The following CAGE1 variants were observed in gnomAD, a reference collection of about 807,000 sequenced individuals.
CAGE1 encodes the protein cancer antigen 1.
In CAGE1, 66 loss-of-function variants were observed where a neutral mutation model predicts 94.9. That is an observed-to-expected ratio of 0.70 (90% CI 0.57 to 0.85). The LOEUF (loss-of-function observed/expected upper bound fraction) is 0.85. Among genes scored for constraint, CAGE1 ranks in the 40% least tolerant of loss-of-function variants. The probability of loss-of-function intolerance (pLI) is 0.00; values close to 1 mark genes in which losing one functional copy is unlikely to be tolerated. For synonymous variants in CAGE1, 319 were observed against 321.0 expected (o/e 0.99, Z 0.07); for missense variants, 865 against 950.4 (o/e 0.91, Z 1.18).
At chr6:7,388,866 C>T (rs150737642) in intron 1 of CAGE1, among the ~76,000 whole-genome samples, 18 of 152,248 alleles carry the variant, frequency 1.2e-4, no homozygotes, top group South Asian at 4.1e-4. Context: ...TTTGTTTTCC[C>T]AATGCAAAAA....
chr6:7,345,026 C>G (rs1015060127), intron 11 of CAGE1, among the ~76,000 whole-genome samples: 1 of 152,140 alleles, frequency 6.6e-6, no homozygotes, highest in South Asian at 2.1e-4. Flanking sequence ...GAGAATAAAA[C>G]CAGGGTGCCC....
At chr6:7,365,696 G>A (rs908692325) in intron 8 of CAGE1, 108 bp downstream of exon 8, 4 of 1,355,884 alleles carry the variant, frequency 3.0e-6, no homozygotes, top group East Asian at 2.5e-5. Context: ...TAATAAAAGT[G>A]CAGAACTTAG....
chr6:7,376,972 C>G (rs1014897264), intron 4 of CAGE1, among the ~76,000 whole-genome samples: 2 of 152,176 alleles, frequency 1.3e-5, no homozygotes, highest in African/African-American at 2.4e-5. Context: ...GCAAGTTTAT[C>G]TGTAACTTGA....
At chr6:7,385,496 G>C (rs1761091808) in intron 3 of CAGE1, among the ~76,000 whole-genome samples, 1 of 152,124 alleles carries the variant, frequency 6.6e-6, no homozygotes, top group Non-Finnish European at 1.5e-5. Context: ...TACTTGTATA[G>C]TAGAAAATTT....
intron 9 of CAGE1, among the ~76,000 whole-genome samples, chr6:7,360,390 C>T (rs1177683313): frequency 6.6e-6 from 1 of 152,128 alleles, no homozygotes; most frequent in Non-Finnish European, 1.5e-5. Flanking sequence ...GGGTATTTAG[C>T]TCTATCTAGG....
At chr6:7,335,610 C>T (rs1294655374) in intron 11 of CAGE1, among the ~76,000 whole-genome samples, 2 of 152,250 alleles carry the variant, frequency 1.3e-5, no homozygotes, top group African/African-American at 2.4e-5. Flanking sequence ...GACAGAGTCT[C>T]ACCCTGTCAT....
chr6:7,367,746 A>G (rs181840031), intron 7 of CAGE1, among the ~76,000 whole-genome samples: 11 of 152,332 alleles, frequency 7.2e-5, no homozygotes, highest in East Asian at 5.8e-4. Context: ...GTCAGTTCAG[A>G]TAAGTGTTAC....
intron 11 of CAGE1, chr6:7,341,609 G>A: frequency 1.2e-6 from 1 of 835,488 alleles, no homozygotes; most frequent in South Asian, 1.3e-5. Flanking sequence ...TCCACAGCAA[G>A]GTGGAACAGA....
chr6:7,336,318 C>G (rs751784779), intron 11 of CAGE1, among the ~76,000 whole-genome samples: 8 of 152,198 alleles, frequency 5.3e-5, no homozygotes, highest in Non-Finnish European at 7.3e-5. Context: ...CACTGCACTC[C>G]CATGTGTAGA....
chr6:7,339,379 G>A lies in CAGE1; in HGVS notation c.2370-5289C>T, dbSNP rs187413437. The A allele has an allele frequency of 1.3e-4, 208 of 1,607,416 alleles. No individual in the cohort carries two copies. In the East Asian group the frequency reaches 3.8e-3, roughly 29 times the overall value. On this transcript the variant is annotated intron_variant, in intron 11 of 13. Coordinates refer to ENST00000502583, the MANE Select transcript of CAGE1 (RefSeq NM_001170692.2). The surrounding 1 kb of genome is among the most constrained non-coding windows in gnomAD (Gnocchi z 4.7). The stretch of plus-strand genomic sequence containing the variant: ...ACAGCAGTCAGTTCCCGAATCCGCC[G>A]GCCCTTCTCACCAAGAACATTCTGT...
chr6:7,345,709 T>A (rs1012855769), intron 11 of CAGE1, among the ~76,000 whole-genome samples: 1 of 151,742 alleles, frequency 6.6e-6, no homozygotes, highest in Non-Finnish European at 1.5e-5. Context: ...GGGCAGATCA[T>A]GAGGTCAGGA....
chr6:7,367,704 G>A, intron 7 of CAGE1, among the ~76,000 whole-genome samples: 1 of 152,168 alleles, frequency 6.6e-6, no homozygotes, highest in Non-Finnish European at 1.5e-5. Flanking sequence ...CTGGCTAGGA[G>A]GCAGAGAGAT....
At chr6:7,328,918 GTA>G (rs1289027242) in intron 13 of CAGE1, among the ~76,000 whole-genome samples, 243 of 43,968 alleles carry the variant, frequency 5.5e-3, no homozygotes, top group African/African-American at 0.014. Flanking sequence ...GTGTGTGTGT[GTA>G]TATATATATA....
rs1760602570 is a variant in CAGE1 at position 7,373,061 on chromosome 6, G to A, written c.1746+12C>T. The stretch of plus-strand genomic sequence containing the variant: ...AAATTCCGCATTAGAGATTTAGAAT[G>A]TGTATCAATACCTTGGTAATATCTG... On this transcript the variant is annotated intron_variant, in intron 5 of 13. Coordinates refer to ENST00000502583, the MANE Select transcript of CAGE1 (RefSeq NM_001170692.2). 3 of 1,550,124 alleles carry A rather than the reference G, an allele frequency of 1.9e-6. No individual in the cohort carries two copies. Among genetic ancestry groups the A allele is most frequent in the African/African-American group, 1.4e-5 (1 of 72,618 alleles).
rs190570963 is a variant in CAGE1, at chr6:7,336,795, C to T, written c.2370-2705G>A. Among the ~76,000 whole-genome samples, 462 of 152,286 alleles carry T rather than the reference C, an allele frequency of 3.0e-3. 1 individual carries two copies. Among genetic ancestry groups the T allele is most frequent in the African/African-American group, 9.7e-3 (404 of 41,562 alleles). On this transcript the variant is annotated intron_variant, in intron 11 of 13. Coordinates refer to ENST00000502583, the MANE Select transcript of CAGE1 (RefSeq NM_001170692.2). ...AAAGTGCTGGGATTACAGGCATCAG[C>T]CACCGCACGCAGCTGACATGAATAT...
intron 3 of CAGE1, among the ~76,000 whole-genome samples, chr6:7,381,663 G>A (rs1470257263): frequency 6.6e-6 from 1 of 151,428 alleles, no homozygotes; most frequent in Admixed American, 6.6e-5. Flanking sequence ...CAAGTAGCTG[G>A]GAATACAAGC....
At chr6:7,358,036 A>G (rs1308876524) in intron 9 of CAGE1, among the ~76,000 whole-genome samples, 1 of 47,328 alleles carries the variant, frequency 2.1e-5, no homozygotes, top group African/African-American at 1.2e-4. Flanking sequence ...AGATATATAT[A>G]TATATATATA....
intron 1 of CAGE1, among the ~76,000 whole-genome samples, chr6:7,388,159 A>G (rs759102675): frequency 1.1e-4 from 17 of 152,112 alleles, no homozygotes; most frequent in Non-Finnish European, 2.1e-4. Flanking sequence ...TGAGAGTGGA[A>G]AGGATGGCCA....
intron 3 of CAGE1, among the ~76,000 whole-genome samples, chr6:7,383,643 T>C (rs2113474145): frequency 6.6e-6 from 1 of 152,344 alleles, no homozygotes; most frequent in African/African-American, 2.4e-5. Context: ...CCACATCTTC[T>C]TTTTCAAAAT....
Sources: gnomAD v4.1 joint callset for allele counts (sites outside exome capture counted in the v4.1 genomes callset) on GRCh38, gnomAD v4.1.1 for gene constraint, Gnocchi (gnomAD v3.1) non-coding constraint, MANE v1.5 for transcripts, NCBI Gene and HGNC (gene_info 2026-07-23, HGNC 2026-07-21) for gene names.